Variants in DST observed in about 807,000 individuals in gnomAD.
DST encodes the protein dystonin.
In DST, 253 loss-of-function variants were observed where a neutral mutation model predicts 875.2. That is an observed-to-expected ratio of 0.29 (90% CI 0.26 to 0.32). The LOEUF is 0.32. Ranked by LOEUF, DST falls within the 10% of genes least tolerant of loss-of-function variation. DST has a pLI of 1.00. For missense variants in DST, 8,287 were observed against 9,111.6 expected (o/e 0.91, Z 3.68); for synonymous variants, 3,124 against 3,197.1 (o/e 0.98, Z 0.77).
intron 5 of DST, among the ~76,000 whole-genome samples, chr6:56,730,027 A>G (rs2099490932): frequency 6.6e-6 from 1 of 152,236 alleles, no homozygotes; most frequent in African/African-American, 2.4e-5. Flanking sequence ...TTATGTGTCA[A>G]TAAATTAAAG....
Position 56,605,665 on chromosome 6 carries a change from G to A in DST, c.8963C>T (p.Pro2988Leu). The A allele has an allele frequency of 1.9e-6, 3 of 1,612,784 alleles. No individual in the cohort carries two copies. Among genetic ancestry groups the A allele is most frequent in the Non-Finnish European group, 2.5e-6 (3 of 1,179,342 alleles). The change falls in exon 40 of 104, where the codon CCA (proline) becomes CTA (leucine). Residue 2988 changes from proline to leucine, a missense_variant. Physicochemically the swap from Pro to Leu is moderately conservative, Grantham distance 98 (BLOSUM62 -3). This residue lies in a region of DST where 3,138 missense variants were observed against 3,116.6 expected (regional missense o/e 1.01). Transcript: ENST00000680361. ...GTGATCAAGAGATGAGTCAACTTTT[G>A]GTGTCATATTCTTAAAATATTCATC... ...GKDEYFKNMT[P>L]KVDSSLDHII...
In DST at chr6:56,704,333, T is replaced by A; in HGVS notation, c.724A>T (p.Arg242Trp). Reference sequence around the variant, plus strand: ...AGAGAAATCAAATTGTGTCCATCCCTTAAGTCTTCATAGAGATCATTCACA... The same window carrying A: ...AGAGAAATCAAATTGTGTCCATCCCATAAGTCTTCATAGAGATCATTCACA... ...KHVNDLYEDLRDGHNLISLLE... is the reference protein window; with the variant it reads ...KHVNDLYEDLWDGHNLISLLE... The change falls in exon 6 of 104, where the codon AGG becomes TGG. Residue 242 changes from arginine (R) to tryptophan (W), a missense_variant. Physicochemically the swap from Arg to Trp is moderately radical, Grantham distance 101. Coordinates refer to ENST00000680361, the MANE Select transcript of DST (RefSeq NM_001374736.1). The A allele has an allele frequency of 6.3e-7, 1 of 1,578,774 alleles. No homozygotes were observed. Among genetic ancestry groups the A allele is most frequent in the Non-Finnish European group, 8.6e-7 (1 of 1,161,078 alleles).
At chr6:56,771,202 T>A (rs1438524913) in intron 4 of DST, among the ~76,000 whole-genome samples, 2 of 152,086 alleles carry the variant, frequency 1.3e-5, no homozygotes, top group Non-Finnish European at 2.9e-5. Flanking sequence ...ATCTTAACTA[T>A]ATTCCCTTTA....
chr6:56,684,494 C>T (rs1034459766), intron 9 of DST, among the ~76,000 whole-genome samples: 1 of 152,100 alleles, frequency 6.6e-6, no homozygotes, highest in Non-Finnish European at 1.5e-5. Flanking sequence ...AGATATTTGG[C>T]GGATGCCCTC....
rs750553455 is a variant in DST at position 56,632,948 on chromosome 6, G to T, written c.3711C>A (p.Ser1237=). 6.2e-7 allele frequency: 1 copy of T among 1,613,686 alleles called. No homozygotes were observed. The highest frequency in any genetic ancestry group is 2.2e-5 in the East Asian group (1 of 44,854). The change falls in exon 28 of 104, where the codon TCC becomes TCA. Residue 1237 remains serine (S), a synonymous_variant. Transcript: ENST00000680361. The part of the protein sequence containing the change: ...FEDFLEDSQE[S]QVFSGSDITQ... ...TTATATCTGAGCCTGAAAAGACTTG[G>T]GATTCCTGGCTATCTTCCAGAAAAT...
At chr6:56,529,214 T>C (rs2096854395) in intron 66 of DST, among the ~76,000 whole-genome samples, 2 of 152,198 alleles carry the variant, frequency 1.3e-5, no homozygotes, top group Non-Finnish European at 1.5e-5. Flanking sequence ...TTAATACAGG[T>C]CTTTGTATAC....
rs1298213304 is a variant in DST, at chr6:56,579,045, C to T, written c.12904-108G>A. On this transcript the variant is annotated intron_variant, in intron 49 of 103. Coordinates refer to ENST00000680361, the MANE Select transcript of DST (RefSeq NM_001374736.1). ...ATAAAGTAAAATTGGACAGAATAAA[C>T]TTTTCATCATACCAACTTTCATCAT... is the stretch of plus-strand genomic sequence containing the variant. The T allele has an allele frequency of 7.1e-6, 7 of 984,718 alleles. No homozygotes were observed. The East Asian group carries it at 1.9e-4, about 27-fold the overall frequency. The allele number at this position is 984,718 out of a possible 1,614,324, so 61.0% of individuals were successfully genotyped here. A position where few individuals can be genotyped will look rare whatever the true frequency, so the allele number is the denominator to read the frequency against.
At chr6:56,570,049 GA>G in intron 53 of DST, 37 bp from the exon 54 acceptor site, 1 of 1,404,718 alleles carries the variant, frequency 7.1e-7, no homozygotes, top group East Asian at 2.3e-5. Flanking sequence ...TTAAGTCACA[GA>G]AAGAAGAATA....
At chr6:56,736,398 C>T (rs2099524017) in intron 4 of DST, among the ~76,000 whole-genome samples, 1 of 152,178 alleles carries the variant, frequency 6.6e-6, no homozygotes, top group African/African-American at 2.4e-5. Flanking sequence ...GATAATCATC[C>T]AACACCTAAA....
intron 48 of DST, among the ~76,000 whole-genome samples, chr6:56,592,688 CG>C (rs2098300775): frequency 6.6e-6 from 1 of 152,066 alleles, no homozygotes; most frequent in East Asian, 1.9e-4. Context: ...GTATAGATAT[CG>C]ATTTGATGGA....
chr6:56,662,958 C>G (rs1425358462), intron 10 of DST, among the ~76,000 whole-genome samples: 1 of 151,892 alleles, frequency 6.6e-6, no homozygotes, highest in Non-Finnish European at 1.5e-5. Context: ...CAAAACAAAA[C>G]AAAACAGAAC....
chr6:56,682,539 G>A (rs1025696087), intron 9 of DST, among the ~76,000 whole-genome samples: 3 of 152,072 alleles, frequency 2.0e-5, no homozygotes, highest in Non-Finnish European at 4.4e-5. Context: ...TTCTCCCTCT[G>A]GAGAGAGCTG....
chr6:56,521,758 GTCTATGACTCAC>G (rs921877620), intron 69 of DST, among the ~76,000 whole-genome samples: 3 of 152,050 alleles, frequency 2.0e-5, no homozygotes, highest in Non-Finnish European at 4.4e-5. Flanking sequence ...GGCATTTTAG[GTCTATGACTCAC>G]TCAAATGACT....
intron 101 of DST, among the ~76,000 whole-genome samples, 160 bp downstream of exon 101, chr6:56,463,405 T>C (rs894195082): frequency 1.3e-5 from 2 of 152,160 alleles, no homozygotes. Flanking sequence ...GGCAAAAGCA[T>C]ACATTCAAAA....
chr6:56,769,005 G>A (rs1248625517), intron 4 of DST, among the ~76,000 whole-genome samples: 5 of 152,076 alleles, frequency 3.3e-5, no homozygotes, highest in African/African-American at 1.2e-4. Flanking sequence ...GACAGAGTGA[G>A]ACTCCATCGC....
In DST at chr6:56,606,616, G is replaced by C; in HGVS notation, c.8012C>G (p.Pro2671Arg). The change falls in exon 40 of 104, where the codon CCC becomes CGC. Residue 2671 changes from proline to arginine, a missense_variant. By Grantham distance (103) the Pro-to-Arg change is moderately radical (BLOSUM62 -2). Transcript: ENST00000680361. Reference protein sequence around the residue: ...VSKENENSMVPQGAPVGSLSV... With the variant: ...VSKENENSMVRQGAPVGSLSV... ...TAAGCTACCAACTGGTGCCCCCTGGGGAACCATGGAATTTTCATTCTCTTT... is the reference window on the plus strand; with the variant it reads ...TAAGCTACCAACTGGTGCCCCCTGGCGAACCATGGAATTTTCATTCTCTTT... 2 of 1,613,526 alleles carry C rather than the reference G, an allele frequency of 1.2e-6. No individual in the cohort carries two copies. Among genetic ancestry groups the C allele is most frequent in the African/African-American group, 2.7e-5 (2 of 74,990 alleles).
At chr6:56,546,168 T>G (rs2097216494) in intron 61 of DST, among the ~76,000 whole-genome samples, 1 of 151,598 alleles carries the variant, frequency 6.6e-6, no homozygotes, top group Non-Finnish European at 1.5e-5. Context: ...TATCTTGATG[T>G]GAACCTTAGT....
At chr6:56,600,418 GTGAT>G (rs2098435836) in intron 44 of DST, among the ~76,000 whole-genome samples, 197 bp from the exon 45 acceptor site, 1 of 152,036 alleles carries the variant, frequency 6.6e-6, no homozygotes, top group Admixed American at 6.6e-5. Flanking sequence ...TACAAAGAAA[GTGAT>G]CATGTTTAGA....
intron 36 of DST, chr6:56,615,443 A>C: frequency 6.2e-7 from 1 of 1,606,578 alleles, no homozygotes; most frequent in Non-Finnish European, 8.5e-7. Flanking sequence ...TATGTAGCCG[A>C]TATCATCATA....
Sources: allele counts gnomAD v4.1 joint callset (sites outside exome capture counted in the v4.1 genomes callset), GRCh38; gene constraint gnomAD v4.1.1; regional missense constraint gnomAD v4.1.1; transcripts MANE v1.5; gene names NCBI Gene and HGNC (gene_info 2026-07-23, HGNC 2026-07-21).